The following SMARCA4 variants were observed in gnomAD, a reference collection of about 807,000 sequenced individuals.
The protein encoded by SMARCA4 is SWI/SNF-related matrix-associated actin-dependent regulator of chromatin subfamily A member 4.
A neutral mutation model predicts 193.9 loss-of-function variants in SMARCA4; 31 were observed. The ratio of observed to expected loss-of-function variants is 0.16; its 90% CI spans 0.12 to 0.22. The LOEUF is 0.22. Ranked by LOEUF, SMARCA4 falls within the 10% of genes least tolerant of loss-of-function variation. The probability of loss-of-function intolerance (pLI) is 1.00; values close to 1 mark genes in which losing one functional copy is unlikely to be tolerated. For synonymous variants in SMARCA4, 942 were observed against 933.1 expected, an observed-to-expected ratio of 1.01 and a Z score of -0.17; for missense variants, 1,148 against 2,296.0, an observed-to-expected ratio of 0.50 and a Z score of 10.22.
At chr19:10,990,048 G>A (rs2086419010) in intron 7 of SMARCA4, among the ~76,000 whole-genome samples, 1 of 152,034 alleles carries the variant, frequency 6.6e-6, no homozygotes, top group Non-Finnish European at 1.5e-5. Context: ...GGAGTGCAGT[G>A]GAGAGATCAC....
intron 13 of SMARCA4, among the ~76,000 whole-genome samples, chr19:11,006,439 A>G (rs1333842854): frequency 6.6e-6 from 1 of 152,214 alleles, no homozygotes; most frequent in Non-Finnish European, 1.5e-5. Flanking sequence ...ACAAGCAATA[A>G]ATATTGAAAG....
At position 11,024,493 on chromosome 19, in the gene SMARCA4, C is replaced by T. The variant is rs2090109223; in HGVS notation, c.3081+55C>T. 5 of 1,157,988 alleles carry T rather than the reference C, an allele frequency of 4.3e-6. No individual in the cohort carries two copies. In the East Asian group the frequency reaches 9.4e-5, roughly 22 times the overall value. The allele number at this position is 1,157,988 out of a possible 1,614,324, so 71.7% of individuals were successfully genotyped here. On this transcript the variant is annotated intron_variant, in intron 21 of 34. Coordinates refer to ENST00000344626, the MANE Select transcript of SMARCA4 (RefSeq NM_003072.5). Reference sequence around the variant, plus strand: ...CCCACTGGGTGTCCAAGGCCGGCAGCGTGGCAGGCAGAGCAGAGCGTGCTC... The same window carrying T: ...CCCACTGGGTGTCCAAGGCCGGCAGTGTGGCAGGCAGAGCAGAGCGTGCTC...
chr19:10,980,548 C>T (rs1334667530), intron 1 of SMARCA4, among the ~76,000 whole-genome samples: 3 of 151,776 alleles, frequency 2.0e-5, no homozygotes, highest in Admixed American at 6.6e-5. Context: ...GCATGAGAAT[C>T]GCTTGAACCC....
chr19:11,062,262 C>T lies in SMARCA4; in HGVS notation c.*446C>T, dbSNP rs1379249413. ...GGATGTCAAACAGTAATAAATTAAA[C>T]CAACAACAAAACGCACAGCCTTGCC... On this transcript the variant is annotated 3_prime_UTR_variant, in exon 35 of 35. Transcript: ENST00000344626. The T allele has an allele frequency of 3.8e-5, 10 of 264,258 alleles. No homozygotes were observed. The highest frequency in any genetic ancestry group is 2.2e-4 in the African/African-American group (10 of 46,148). 16.4% of individuals were successfully genotyped at this position (264,258 alleles called of 1,614,324 possible). A position where few individuals can be genotyped will look rare whatever the true frequency, so the allele number is the denominator to read the frequency against.
intron 30 of SMARCA4, among the ~76,000 whole-genome samples, chr19:11,052,463 T>C (rs944623029): frequency 2.0e-5 from 3 of 151,098 alleles, no homozygotes; most frequent in Non-Finnish European, 4.4e-5. Flanking sequence ...TGAAGGAGGG[T>C]CCACACCCTC....
intron 11 of SMARCA4, among the ~76,000 whole-genome samples, chr19:10,998,080 G>C (rs1040802479): frequency 6.6e-6 from 1 of 151,738 alleles, no homozygotes; most frequent in Non-Finnish European, 1.5e-5. Context: ...TGCAGAGATG[G>C]GGTCTCATGT....
At chr19:10,993,821 AT>A (rs1254682635) in intron 8 of SMARCA4, among the ~76,000 whole-genome samples, 1 of 149,986 alleles carries the variant, frequency 6.7e-6, no homozygotes, top group African/African-American at 2.5e-5. Context: ...AATTTTTTGT[AT>A]TTTTAGTAGA....
intron 30 of SMARCA4, among the ~76,000 whole-genome samples, chr19:11,050,249 G>A (rs1379828154): frequency 6.6e-6 from 1 of 152,242 alleles, no homozygotes; most frequent in Admixed American, 6.5e-5. Context: ...GGTCCAGGCT[G>A]CCGCAGCTAA....
intron 1 of SMARCA4, among the ~76,000 whole-genome samples, chr19:10,978,088 C>G (rs1476915346): frequency 6.6e-6 from 1 of 152,202 alleles, no homozygotes; most frequent in African/African-American, 2.4e-5. Flanking sequence ...GCTGAGGCCC[C>G]TACCTCCTGG....
intron 8 of SMARCA4, among the ~76,000 whole-genome samples, chr19:10,992,389 T>C (rs1008089191): frequency 6.6e-6 from 1 of 151,622 alleles, no homozygotes; most frequent in African/African-American, 2.4e-5. Context: ...AGTGCTAAGA[T>C]GGCAGGCGTA....
intron 20 of SMARCA4, 76 bp from the exon 21 acceptor site, chr19:11,024,255 C>T: frequency 1.0e-6 from 1 of 985,998 alleles, no homozygotes; most frequent in Non-Finnish European, 1.6e-6. Context: ...CCGAGGGGGT[C>T]AGAGCTGGGT....
intron 8 of SMARCA4, among the ~76,000 whole-genome samples, chr19:10,993,148 G>T (rs1351333156): frequency 6.6e-6 from 1 of 151,612 alleles, no homozygotes; most frequent in Non-Finnish European, 1.5e-5. Flanking sequence ...ACCACACCTG[G>T]CTACTTTTTG....
chr19:10,961,288 G>A (rs2083776999), intron 1 of SMARCA4, 114 bp downstream of exon 1: 2 of 149,642 alleles, frequency 1.3e-5, no homozygotes, highest in Admixed American at 1.3e-4. Context: ...GCGGGGCCGG[G>A]GTACGGCGGC....
At chr19:11,029,217 A>G (rs1000125029) in intron 24 of SMARCA4, among the ~76,000 whole-genome samples, 1 of 151,898 alleles carries the variant, frequency 6.6e-6, no homozygotes, top group South Asian at 2.1e-4. Context: ...TTCCTCTCCT[A>G]CGGTCTCTCC....
intron 19 of SMARCA4, among the ~76,000 whole-genome samples, chr19:11,023,015 G>GGC (rs1298585109): frequency 6.6e-6 from 1 of 152,174 alleles, no homozygotes; most frequent in Non-Finnish European, 1.5e-5. Flanking sequence ...TAGAGGAGTA[G>GGC]GCGCCGTGGG....
At chr19:11,032,698 A>G (rs1045000572) in intron 25 of SMARCA4, 4 of 155,954 alleles carry the variant, frequency 2.6e-5, no homozygotes, top group African/African-American at 9.7e-5. Flanking sequence ...AAGCCCATCC[A>G]CGGCACCTGC....
intron 1 of SMARCA4, among the ~76,000 whole-genome samples, chr19:10,963,225 T>C (rs931553128): frequency 6.6e-6 from 1 of 151,476 alleles, no homozygotes; most frequent in African/African-American, 2.4e-5. Flanking sequence ...ATACAAAAAT[T>C]AGCCGAGTGT....
rs2075132348 is a variant in SMARCA4, at chr19:11,034,363, A to C, written c.3951+163A>C. ...CCACCTCCAGACTGACCCGTCTTCC[A>C]CCCCCAGTCTCCTGAGGATGGCATC... On this transcript the variant is annotated intron_variant, in intron 28 of 34. Coordinates refer to ENST00000344626, the MANE Select transcript of SMARCA4 (RefSeq NM_003072.5). This position sits in a 1 kb window ranked among gnomAD's most constrained non-coding sequence, Gnocchi z 7.0. Among the ~76,000 whole-genome samples the C allele has an allele frequency of 1.3e-5, 2 of 151,740 alleles. No individual in the cohort carries two copies. The highest frequency in any genetic ancestry group is 1.3e-4 in the Admixed American group (2 of 15,236).
intron 8 of SMARCA4, among the ~76,000 whole-genome samples, chr19:10,991,898 A>G (rs113451925): frequency 6.6e-6 from 1 of 152,084 alleles, no homozygotes; most frequent in Non-Finnish European, 1.5e-5. Flanking sequence ...AGTGGGAGCC[A>G]TAGAGGGTTC....
Sources: gnomAD v4.1 joint callset for allele counts (sites outside exome capture counted in the v4.1 genomes callset) on GRCh38, gnomAD v4.1.1 for gene constraint, Gnocchi (gnomAD v3.1) non-coding constraint, MANE v1.5 for transcripts, NCBI Gene and HGNC (gene_info 2026-07-23, HGNC 2026-07-21) for gene names.